Variants in TMEM135 observed in about 807,000 individuals in gnomAD.
TMEM135 encodes peroxisomal membrane protein 52.
Under a neutral mutation model 60.3 loss-of-function variants are expected in TMEM135, and 30 were observed. The observed-to-expected ratio is 0.50, with a 90% CI of 0.37 to 0.68. The LOEUF is 0.68. TMEM135 is among the 30% of genes least tolerant of loss of function. The pLI, the probability that TMEM135 is intolerant of heterozygous loss-of-function variation, is 0.00. For synonymous variants in TMEM135, 190 were observed against 186.7 expected (o/e 1.02, Z -0.14); for missense variants, 468 against 548.8 (o/e 0.85, Z 1.47).
In TMEM135 at chr11:87,295,764, A is replaced by G. The variant is rs371468914; in HGVS notation, c.510-18A>G. On this transcript the variant is annotated intron_variant, in intron 6 of 14. Coordinates refer to ENST00000305494, the MANE Select transcript of TMEM135 (RefSeq NM_022918.4). ...TCAAAATATGTTATTTTATGATTGT[A>G]AATTCTTATTGTTTTAGGTGCAAGG... is the stretch of plus-strand genomic sequence containing the variant. The G allele has an allele frequency of 2.6e-4, 417 of 1,590,404 alleles. No homozygotes were observed. The highest frequency in any genetic ancestry group is 3.2e-4 in the Non-Finnish European group (377 of 1,164,296).
intron 5 of TMEM135, among the ~76,000 whole-genome samples, chr11:87,174,482 T>C (rs1279178363): frequency 6.6e-6 from 1 of 152,140 alleles, no homozygotes; most frequent in East Asian, 1.9e-4. Context: ...TATTAGAATA[T>C]AGCCTAGAAG....
intron 6 of TMEM135, among the ~76,000 whole-genome samples, chr11:87,279,388 G>C (rs1318655799): frequency 6.6e-6 from 1 of 152,170 alleles, no homozygotes; most frequent in African/African-American, 2.4e-5. Flanking sequence ...TGTAGTCTCA[G>C]TGTGTAAGAC....
chr11:87,283,097 G>T (rs1942097645), intron 6 of TMEM135, among the ~76,000 whole-genome samples: 1 of 152,154 alleles, frequency 6.6e-6, no homozygotes, highest in Non-Finnish European at 1.5e-5. Flanking sequence ...CACTTTGGGA[G>T]GCTGAGGCAG....
At chr11:87,113,416 A>G (rs775330056) in intron 4 of TMEM135, among the ~76,000 whole-genome samples, 1 of 152,112 alleles carries the variant, frequency 6.6e-6, no homozygotes, top group Admixed American at 6.5e-5. Context: ...AATTATTTTC[A>G]TTGTTAGATG....
rs146373955 is a variant in TMEM135 at position 87,298,428 on chromosome 11, A to C, written c.551+2605A>C. ...ACTGTCCTTTATCCATAAAGGACAAATATTTACAAAGTACTCCAGTTTAAT... is the reference window on the plus strand; with the variant it reads ...ACTGTCCTTTATCCATAAAGGACAACTATTTACAAAGTACTCCAGTTTAAT... On this transcript the variant is annotated intron_variant, in intron 7 of 14. Coordinates refer to ENST00000305494, the MANE Select transcript of TMEM135 (RefSeq NM_022918.4). Among the ~76,000 whole-genome samples, 13 of 152,302 alleles carry C rather than the reference A, an allele frequency of 8.5e-5. No homozygotes were observed. In the South Asian group the frequency reaches 1.0e-3, roughly 12 times the overall value.
At chr11:87,157,539 T>A in intron 5 of TMEM135, 133 bp downstream of exon 5, 1 of 740,820 alleles carries the variant, frequency 1.3e-6, no homozygotes, top group Non-Finnish European at 2.2e-6. Flanking sequence ...ATATTGAGTG[T>A]ACCTGATGAA....
chr11:87,289,846 G>C (rs1040431418), intron 6 of TMEM135, among the ~76,000 whole-genome samples: 1 of 152,100 alleles, frequency 6.6e-6, no homozygotes, highest in Non-Finnish European at 1.5e-5. Flanking sequence ...GAGGTAAACT[G>C]TTTTTAGCTT....
intron 4 of TMEM135, among the ~76,000 whole-genome samples, chr11:87,147,192 G>A (rs1457994748): frequency 1.3e-5 from 2 of 152,090 alleles, no homozygotes; most frequent in African/African-American, 2.4e-5. Flanking sequence ...GCATGGTGGC[G>A]TGTGCCTGTA....
At chr11:87,201,994 T>C (rs1428312753) in intron 5 of TMEM135, among the ~76,000 whole-genome samples, 1 of 117,884 alleles carries the variant, frequency 8.5e-6, no homozygotes, top group East Asian at 2.4e-4. Flanking sequence ...TGTTATGTTA[T>C]GTTATGTTAT....
chr11:87,160,889 A>T (rs1050253950), intron 5 of TMEM135, among the ~76,000 whole-genome samples: 3 of 151,866 alleles, frequency 2.0e-5, no homozygotes, highest in Non-Finnish European at 4.4e-5. Context: ...TGGAAAGGAG[A>T]TCATTTTTCT....
At chr11:87,177,836 C>T (rs575711245) in intron 5 of TMEM135, among the ~76,000 whole-genome samples, 15 of 152,058 alleles carry the variant, frequency 9.9e-5, no homozygotes, top group South Asian at 6.2e-4. Flanking sequence ...ATGCTTCTGA[C>T]GACTGACTAT....
chr11:87,241,298 T>G (rs963553260), intron 6 of TMEM135, among the ~76,000 whole-genome samples: 1 of 152,110 alleles, frequency 6.6e-6, no homozygotes, highest in Non-Finnish European at 1.5e-5. Flanking sequence ...AACCATTTAC[T>G]GATTTTTAAG....
At chr11:87,232,893 G>C (rs934810842) in intron 5 of TMEM135, among the ~76,000 whole-genome samples, 1 of 152,168 alleles carries the variant, frequency 6.6e-6, no homozygotes, top group African/African-American at 2.4e-5. Context: ...GCTTATACCT[G>C]TAATCCCAGC....
At chr11:87,155,819 C>G (rs1381816764) in intron 4 of TMEM135, among the ~76,000 whole-genome samples, 1 of 152,128 alleles carries the variant, frequency 6.6e-6, no homozygotes, top group Non-Finnish European at 1.5e-5. Context: ...TACTGGAATT[C>G]AGGATCTGTT....
chr11:87,212,167 T>G (rs951879612), intron 5 of TMEM135, among the ~76,000 whole-genome samples: 3 of 152,184 alleles, frequency 2.0e-5, no homozygotes, highest in African/African-American at 7.2e-5. Flanking sequence ...GTAGTACAAT[T>G]AATCTGCATA....
intron 2 of TMEM135, among the ~76,000 whole-genome samples, chr11:87,069,793 G>A (rs1455565167): frequency 6.6e-6 from 1 of 152,120 alleles, no homozygotes; most frequent in Non-Finnish European, 1.5e-5. Context: ...CAGGTGGAAG[G>A]TTTCTGATGT....
chr11:87,215,052 A>G lies in TMEM135; in HGVS notation c.463-21586A>G, dbSNP rs375677085. 2.2e-4 allele frequency among the ~76,000 whole-genome samples: 34 copies of G among 152,236 alleles called. No individual in the cohort carries two copies. The South Asian group carries it at 7.0e-3, about 32-fold the overall frequency. On this transcript the variant is annotated intron_variant, in intron 5 of 14. Transcript: ENST00000305494. ...TTCCATGAGTTTGGGACTCTTTAAA[A>G]TATATTTAATTATATTAAATTGTTT...
intron 1 of TMEM135, among the ~76,000 whole-genome samples, chr11:87,055,716 G>T (rs1192754510): frequency 6.6e-6 from 1 of 151,864 alleles, no homozygotes; most frequent in African/African-American, 2.4e-5. Flanking sequence ...TCAGCCTCCT[G>T]TGTAGCTGGG....
chr11:87,327,413 T>C lies in TMEM135; in HGVS notation c.*6080T>C, dbSNP rs1343390336. ...GAACCTGCTTCTGTGAGCCACTGAA[T>C]GGTGCCATTAACCATCTGCATTTGA... On this transcript the variant is annotated 3_prime_UTR_variant, in exon 15 of 15. Coordinates refer to ENST00000305494, the MANE Select transcript of TMEM135 (RefSeq NM_022918.4). 2 of 454,096 alleles carry C rather than the reference T, an allele frequency of 4.4e-6. No individual in the cohort carries two copies. The highest frequency in any genetic ancestry group is 4.0e-5 in the African/African-American group (2 of 50,112). 28.1% of individuals were successfully genotyped at this position (454,096 alleles called of 1,614,324 possible). A position where few individuals can be genotyped will look rare whatever the true frequency, so the allele number is the denominator to read the frequency against.
Sources: allele counts gnomAD v4.1 joint callset (sites outside exome capture counted in the v4.1 genomes callset), GRCh38; gene constraint gnomAD v4.1.1; transcripts MANE v1.5; gene names NCBI Gene and HGNC (gene_info 2026-07-23, HGNC 2026-07-21).